The following CDH13 variants were observed in gnomAD, a reference collection of about 807,000 sequenced individuals.
CDH13 encodes the protein cadherin-13.
A neutral mutation model predicts 63.8 loss-of-function variants in CDH13; 24 were observed. The observed-to-expected ratio is 0.38, with a 90% CI of 0.27 to 0.53. CDH13 has a LOEUF of 0.53. Among genes scored for constraint, CDH13 ranks in the 20% least tolerant of loss-of-function variants. The pLI is 0.85. For synonymous variants in CDH13, 503 were observed against 355.3 expected, an observed-to-expected ratio of 1.42 and a Z score of -4.67; for missense variants, 1,049 against 903.1, an observed-to-expected ratio of 1.16 and a Z score of -2.07.
At chr16:82,725,260 CGTT>C (rs2033029983) in intron 1 of CDH13, among the ~76,000 whole-genome samples, 1 of 152,114 alleles carries the variant, frequency 6.6e-6, no homozygotes, top group South Asian at 2.1e-4. Context: ...TCCCCATACT[CGTT>C]ATTGTCTCTC....
chr16:83,362,160 G>A (rs766424894), intron 6 of CDH13, among the ~76,000 whole-genome samples: 18 of 152,082 alleles, frequency 1.2e-4, no homozygotes, highest in Non-Finnish European at 2.2e-4. Context: ...AAAAAATCTG[G>A]TTTCTTCCAA....
chr16:83,041,765 C>G (rs74949950), intron 3 of CDH13, among the ~76,000 whole-genome samples: 1 of 152,168 alleles, frequency 6.6e-6, no homozygotes, highest in Non-Finnish European at 1.5e-5. Context: ...TGAAAAGTTA[C>G]GTAACTTCTC....
chr16:83,494,420 C>A (rs983818494), intron 7 of CDH13, among the ~76,000 whole-genome samples: 45 of 152,192 alleles, frequency 3.0e-4, no homozygotes, highest in African/African-American at 1.0e-3. Context: ...ACCCCAAATC[C>A]TCTAAATTCC....
At chr16:82,637,887 T>C (rs1276694695) in intron 1 of CDH13, 2 of 152,232 alleles carry the variant, frequency 1.3e-5, no homozygotes, top group African/African-American at 4.8e-5. Context: ...CGAGTATTTA[T>C]TGAGCATTTA....
At chr16:83,088,686 A>G (rs1160455683) in intron 3 of CDH13, among the ~76,000 whole-genome samples, 2 of 152,222 alleles carry the variant, frequency 1.3e-5, no homozygotes, top group Non-Finnish European at 2.9e-5. Context: ...GGGATCTTTT[A>G]CATGGCTCAA....
intron 3 of CDH13, among the ~76,000 whole-genome samples, chr16:83,104,636 G>T (rs2034674499): frequency 6.6e-6 from 1 of 151,988 alleles, no homozygotes; most frequent in East Asian, 1.9e-4. Context: ...GGGGTGGGCG[G>T]GGGAAATAGT....
chr16:83,692,149 T>C (rs1304138789), intron 10 of CDH13, among the ~76,000 whole-genome samples: 2 of 152,188 alleles, frequency 1.3e-5, no homozygotes, highest in Non-Finnish European at 2.9e-5. Flanking sequence ...CCAGACCCAA[T>C]AGCTTGCTCT....
chr16:83,192,424 AT>A (rs2038748267), intron 4 of CDH13, among the ~76,000 whole-genome samples: 1 of 152,148 alleles, frequency 6.6e-6, no homozygotes, highest in South Asian at 2.1e-4. Flanking sequence ...GCTCAGAATG[AT>A]CCAGTGCTTT....
intron 3 of CDH13, among the ~76,000 whole-genome samples, chr16:83,094,284 G>C (rs559634417): frequency 6.6e-6 from 1 of 152,274 alleles, no homozygotes; most frequent in Non-Finnish European, 1.5e-5. Context: ...TGGGGTTACT[G>C]GGAAAGCCTC....
intron 4 of CDH13, among the ~76,000 whole-genome samples, chr16:83,202,389 T>G (rs1407760350): frequency 6.6e-6 from 1 of 152,126 alleles, no homozygotes; most frequent in Non-Finnish European, 1.5e-5. Context: ...TGAGGGGACT[T>G]GAATTTTTCC....
intron 6 of CDH13, among the ~76,000 whole-genome samples, chr16:83,417,392 C>T (rs2071581984): frequency 6.6e-6 from 1 of 152,186 alleles, no homozygotes. Flanking sequence ...CTTTCCTCCA[C>T]CTCTACCCCA....
At chr16:83,615,869 G>A (rs1405934130) in intron 8 of CDH13, among the ~76,000 whole-genome samples, 2 of 152,054 alleles carry the variant, frequency 1.3e-5, no homozygotes, top group Non-Finnish European at 2.9e-5. Flanking sequence ...CTGCAAAACC[G>A]CCAACACCTT....
intron 7 of CDH13, among the ~76,000 whole-genome samples, chr16:83,529,485 T>A (rs948587614): frequency 6.6e-6 from 1 of 152,224 alleles, no homozygotes; most frequent in African/African-American, 2.4e-5. Flanking sequence ...AAATACTATA[T>A]GGCTTTAAAA....
At chr16:83,145,238 C>T (rs1289945430) in intron 4 of CDH13, among the ~76,000 whole-genome samples, 4 of 152,048 alleles carry the variant, frequency 2.6e-5, no homozygotes, top group Admixed American at 1.3e-4. Context: ...CTGACAAACT[C>T]GGAGCAGGGG....
chr16:83,173,145 TG>T (rs2037992986), intron 4 of CDH13, among the ~76,000 whole-genome samples: 1 of 152,176 alleles, frequency 6.6e-6, no homozygotes, highest in Non-Finnish European at 1.5e-5. Context: ...TCTGTGAGAC[TG>T]GTGCCATGAC....
At chr16:82,810,225 G>A (rs1459545690) in intron 1 of CDH13, among the ~76,000 whole-genome samples, 1 of 152,186 alleles carries the variant, frequency 6.6e-6, no homozygotes, top group African/African-American at 2.4e-5. Flanking sequence ...TTCAACAAAA[G>A]AATAACCTGC....
intron 4 of CDH13, among the ~76,000 whole-genome samples, chr16:83,216,427 T>TATATATAAATATATATATATATATACAC (rs1555513896): frequency 4.4e-5 from 2 of 45,056 alleles, no homozygotes; most frequent in African/African-American, 1.2e-4. Flanking sequence ...TATATATATA[T>TATATATAAATATATATATATATATACAC]ATATATATAT....
rs373493008 is a variant in CDH13, at chr16:83,280,832, G to C, written c.636+63335G>C. 9.8e-5 allele frequency among the ~76,000 whole-genome samples: 15 copies of C among 152,298 alleles called. No homozygotes were observed. In the East Asian group the frequency reaches 1.5e-3, roughly 16 times the overall value. ...TGGACATTTCCGTCAGAGCTCTTGG[G>C]TCACTAGGTATATTGTCAATGAGCA... On this transcript the variant is annotated intron_variant, in intron 5 of 13. Transcript: ENST00000567109.
intron 8 of CDH13, among the ~76,000 whole-genome samples, chr16:83,660,250 A>T (rs1028534218): frequency 6.6e-6 from 1 of 152,218 alleles, no homozygotes; most frequent in Admixed American, 6.5e-5. Context: ...TAATTATACA[A>T]CTACCATAAT....
Sources: allele counts gnomAD v4.1 joint callset (sites outside exome capture counted in the v4.1 genomes callset), GRCh38; gene constraint gnomAD v4.1.1; transcripts MANE v1.5; gene names NCBI Gene and HGNC (gene_info 2026-07-23, HGNC 2026-07-21).